The following CBFA2T3 variants were observed in gnomAD, a reference collection of about 807,000 sequenced individuals.
The protein encoded by CBFA2T3 is transcriptional corepressor CBFA2T3.
CBFA2T3 carries 31 observed loss-of-function variants against 58.6 expected under a neutral mutation model. The ratio of observed to expected loss-of-function variants is 0.53; its 90% confidence interval spans 0.40 to 0.71. The LOEUF (loss-of-function observed/expected upper bound fraction) is 0.71, where lower values mean the gene tolerates loss of function less well. Among genes scored for constraint, CBFA2T3 ranks in the 30% least tolerant of loss-of-function variants. CBFA2T3 has a pLI of 0.00. For missense variants in CBFA2T3, 1,076 were observed against 963.1 expected (o/e 1.12, Z -1.55); for synonymous variants, 531 against 421.9 (o/e 1.26, Z -3.17).
Position 88,958,465 on chromosome 16 carries a change from C to T in CBFA2T3, c.151+18192G>A, listed in dbSNP as rs767850709. On this transcript the variant is annotated intron_variant, in intron 1 of 11. Transcript: ENST00000268679. This position sits in a 1 kb window ranked among gnomAD's most constrained non-coding sequence, Gnocchi z 4.0. ...GCGGCGGGGGAAGAAGGTTCTGGGG[C>T]GGGGCGTTAGAGTGACACCAGGTCC... 5.3e-5 allele frequency among the ~76,000 whole-genome samples: 8 copies of T among 149,962 alleles called. No homozygotes were observed. Among genetic ancestry groups the T allele is most frequent in the Non-Finnish European group, 1.0e-4 (7 of 67,448 alleles).
intron 1 of CBFA2T3, among the ~76,000 whole-genome samples, chr16:88,928,186 C>T (rs1033635652): frequency 6.6e-6 from 1 of 152,234 alleles, no homozygotes; most frequent in Admixed American, 6.5e-5. Flanking sequence ...GGTTGCCTCA[C>T]GCCTCTGAGT....
At position 88,876,891 on chromosome 16, in the gene CBFA2T3, C is replaced by T. The variant is rs554558628; in HGVS notation, c.*85G>A. ...GCGCAGTGTCTGGCAGGCCAGGCAT[C>T]GGAGGCCAGGCACAGCATCCGGTGG... On this transcript the variant is annotated 3_prime_UTR_variant, in exon 12 of 12. Coordinates refer to ENST00000268679, the MANE Select transcript of CBFA2T3 (RefSeq NM_005187.6). 46 of 1,127,926 alleles carry T rather than the reference C, an allele frequency of 4.1e-5. No homozygotes were observed. The East Asian group carries it at 9.2e-4, about 23-fold the overall frequency. 69.9% of individuals were successfully genotyped at this position (1,127,926 alleles called of 1,614,324 possible). A position where few individuals can be genotyped will look rare whatever the true frequency, so the allele number is the denominator to read the frequency against.
chr16:88,939,983 C>T (rs1971654036), intron 1 of CBFA2T3: 1 of 152,342 alleles, frequency 6.6e-6, no homozygotes, highest in Non-Finnish European at 1.5e-5. Context: ...AGGTGGCTGC[C>T]CTGGGAACCT....
At chr16:88,902,111 C>T (rs1206322552) in intron 1 of CBFA2T3, among the ~76,000 whole-genome samples, 2 of 152,212 alleles carry the variant, frequency 1.3e-5, no homozygotes, top group Non-Finnish European at 2.9e-5. Context: ...GGCATGTTCC[C>T]AGGTGGCGCT....
intron 5 of CBFA2T3, among the ~76,000 whole-genome samples, chr16:88,888,091 G>A (rs1443613353): frequency 6.6e-6 from 1 of 152,038 alleles, no homozygotes; most frequent in Non-Finnish European, 1.5e-5. Context: ...GGGAGCTCCG[G>A]GTGAATCAGC....
chr16:88,912,237 T>C (rs1005202481), intron 1 of CBFA2T3, among the ~76,000 whole-genome samples: 7 of 152,230 alleles, frequency 4.6e-5, no homozygotes, highest in African/African-American at 1.7e-4. Flanking sequence ...TCATGGGTTT[T>C]TGAGGACCAA....
chr16:88,892,574 G>A (rs1969686646), intron 3 of CBFA2T3, 89 bp from the exon 4 acceptor site: 4 of 1,422,780 alleles, frequency 2.8e-6, no homozygotes, highest in East Asian at 2.3e-5. Context: ...CAGCGACTAA[G>A]GTGACAATGT....
In CBFA2T3 at chr16:88,875,113, CCA is replaced by C. The variant is rs200368454; in HGVS notation, c.*1861_*1862del. The C allele has an allele frequency of 3.4e-5, 8 of 237,204 alleles. No individual in the cohort carries two copies. Among genetic ancestry groups the C allele is most frequent in the African/African-American group, 1.3e-4 (6 of 45,080 alleles). The allele number at this position is 237,204 out of a possible 1,614,324, so 14.7% of individuals were successfully genotyped here. On this transcript the variant is annotated 3_prime_UTR_variant, in exon 12 of 12. Transcript: ENST00000268679. ...CACAGATGCCAGGCCACGGGCCACGCCACACACACAGATGCCAGGCCACGGGC... is the reference window on the plus strand; with the variant it reads ...CACAGATGCCAGGCCACGGGCCACGCCACACACAGATGCCAGGCCACGGGC...
rs182539295 is a variant in CBFA2T3, at chr16:88,969,512, C to T, written c.151+7145G>A. 4.6e-3 allele frequency among the ~76,000 whole-genome samples: 702 copies of T among 152,332 alleles called. 4 individuals carry two copies. Among genetic ancestry groups the T allele is most frequent in the Non-Finnish European group, 6.9e-3 (468 of 68,022 alleles). On this transcript the variant is annotated intron_variant, in intron 1 of 11. Coordinates refer to ENST00000268679, the MANE Select transcript of CBFA2T3 (RefSeq NM_005187.6). ...CCCACCCCAGCCTTCAGGAGGGGCT[C>T]GCCGCCACCCCGTTTTACAAACAGG...
intron 1 of CBFA2T3, among the ~76,000 whole-genome samples, chr16:88,930,962 T>A (rs1033499610): frequency 6.6e-6 from 1 of 151,760 alleles, no homozygotes. Context: ...GTGCACTAAG[T>A]GCTACTGAAG....
Position 88,881,464 on chromosome 16 carries a change from A to G in CBFA2T3, c.1229T>C (p.Val410Ala). The G allele has an allele frequency of 6.2e-7, 1 of 1,609,350 alleles. No individual in the cohort carries two copies. Among genetic ancestry groups the G allele is most frequent in the South Asian group, 1.1e-5 (1 of 90,974 alleles). Residue 410 changes from valine to alanine, a missense_variant, in exon 9 of 12, where the codon GTG (valine) becomes GCG (alanine). Coordinates refer to ENST00000268679, the MANE Select transcript of CBFA2T3 (RefSeq NM_005187.6). ...CGTGAGCGAGCGCCGCGTCTTCTCC[A>G]CCATGTCCATGATGCAGTTCAGGAG... ...NNLLNCIMDMVEKTRRSLTVL... is the reference protein window; with the variant it reads ...NNLLNCIMDMAEKTRRSLTVL...
At chr16:88,971,078 G>A (rs565696135) in intron 1 of CBFA2T3, among the ~76,000 whole-genome samples, 1 of 152,266 alleles carries the variant, frequency 6.6e-6, no homozygotes, top group East Asian at 1.9e-4. Flanking sequence ...GTGTGCGCAG[G>A]TGTGATGTGG....
At chr16:88,950,006 A>G (rs1972010285) in intron 1 of CBFA2T3, among the ~76,000 whole-genome samples, 1 of 152,074 alleles carries the variant, frequency 6.6e-6, no homozygotes, top group Non-Finnish European at 1.5e-5. Flanking sequence ...TTCTGTCTGA[A>G]AAAAAAGAAA....
intron 1 of CBFA2T3, among the ~76,000 whole-genome samples, chr16:88,922,745 C>T (rs1331983470): frequency 1.3e-5 from 2 of 152,262 alleles, no homozygotes; most frequent in South Asian, 2.1e-4. Flanking sequence ...TTCCTGGAAT[C>T]CCATCCCGAC....
At position 88,958,725 on chromosome 16, in the gene CBFA2T3, A is replaced by G. The variant is rs1972292594; in HGVS notation, c.151+17932T>C. 6.6e-6 allele frequency among the ~76,000 whole-genome samples: 1 copy of G among 151,616 alleles called. No homozygotes were observed. On this transcript the variant is annotated intron_variant, in intron 1 of 11. Coordinates refer to ENST00000268679, the MANE Select transcript of CBFA2T3 (RefSeq NM_005187.6). This position sits in a 1 kb window ranked among gnomAD's most constrained non-coding sequence, Gnocchi z 4.0. ...GCCTCGGTGTGGCCTTTGGAAGGAG[A>G]TGAACTTGCTCTCCCAGGGCTGGGG...
Position 88,915,712 on chromosome 16 carries a change from G to T in CBFA2T3, c.152-14056C>A, listed in dbSNP as rs371679972. 6.6e-3 allele frequency among the ~76,000 whole-genome samples: 719 copies of T among 108,762 alleles called. 4 individuals carry two copies. Among genetic ancestry groups the T allele is most frequent in the East Asian group, 0.018 (54 of 2,998 alleles). 71.4% of individuals were successfully genotyped at this position (108,762 alleles called of 152,430 possible). ...CGACGGGGGAGCGTGGACGGGGGGA[G>T]CGTGGAGGGGGAGCGTGGAAGGGGG... On this transcript the variant is annotated intron_variant, in intron 1 of 11. Coordinates refer to ENST00000268679, the MANE Select transcript of CBFA2T3 (RefSeq NM_005187.6).
intron 5 of CBFA2T3, among the ~76,000 whole-genome samples, chr16:88,890,847 G>A (rs1017078559): frequency 6.6e-6 from 1 of 152,204 alleles, no homozygotes; most frequent in African/African-American, 2.4e-5. Context: ...CTCCCGGGTA[G>A]CTGGGATCAT....
intron 1 of CBFA2T3, among the ~76,000 whole-genome samples, chr16:88,910,538 G>A (rs562530497): frequency 6.6e-6 from 1 of 152,350 alleles, no homozygotes; most frequent in East Asian, 1.9e-4. Context: ...AGTGTCCTCC[G>A]GAGCCACCGT....
At chr16:88,962,683 TC>T (rs1972397289) in intron 1 of CBFA2T3, among the ~76,000 whole-genome samples, 1 of 152,138 alleles carries the variant, frequency 6.6e-6, no homozygotes, top group Non-Finnish European at 1.5e-5. Flanking sequence ...GCCAGTGCCT[TC>T]CCACCCAGCA....
Sources: allele counts gnomAD v4.1 joint callset (sites outside exome capture counted in the v4.1 genomes callset), GRCh38; gene constraint gnomAD v4.1.1; non-coding constraint Gnocchi (gnomAD v3.1); transcripts MANE v1.5; gene names NCBI Gene and HGNC (gene_info 2026-07-23, HGNC 2026-07-21).